The following CAMKMT variants were observed in gnomAD, a reference collection of about 807,000 sequenced individuals.
CAMKMT encodes CaM KMT.
CAMKMT carries 53 observed loss-of-function variants against 48.0 expected under a neutral mutation model. That is an observed-to-expected ratio of 1.10 (90% CI 0.89 to 1.39). CAMKMT has a LOEUF of 1.39. CAMKMT is among the 40% of genes most tolerant of loss of function. CAMKMT has a pLI of 0.00. For missense variants in CAMKMT, 428 were observed against 402.7 expected (o/e 1.06, Z -0.54); for synonymous variants, 165 against 152.3 (o/e 1.08, Z -0.61).
chr2:44,754,035 T>C lies in CAMKMT; in HGVS notation c.699-20T>C. The C allele has an allele frequency of 1.2e-6, 2 of 1,607,558 alleles. No homozygotes were observed. The highest frequency in any genetic ancestry group is 1.7e-6 in the Non-Finnish European group (2 of 1,174,466). On this transcript the variant is annotated intron_variant, in intron 8 of 10. Transcript: ENST00000378494. ...TGAAAACCCAGTTTAATCTGGATTC[T>C]GCTCTCTTCTCAATGTCAGCCTGTT...
intron 3 of CAMKMT, among the ~76,000 whole-genome samples, chr2:44,584,874 GA>G (rs1051925742): frequency 4.1e-4 from 62 of 152,168 alleles, no homozygotes; most frequent in African/African-American, 1.5e-3. Flanking sequence ...CTAACGTGGT[GA>G]AACCCTGTCT....
intron 3 of CAMKMT, among the ~76,000 whole-genome samples, chr2:44,484,739 A>G (rs1412776619): frequency 6.6e-6 from 1 of 151,784 alleles, no homozygotes; most frequent in Non-Finnish European, 1.5e-5. Context: ...GGTCTATGTT[A>G]TAATTAGGAA....
intron 3 of CAMKMT, among the ~76,000 whole-genome samples, chr2:44,579,984 T>A (rs1411399433): frequency 6.6e-6 from 1 of 152,208 alleles, no homozygotes; most frequent in Non-Finnish European, 1.5e-5. Flanking sequence ...TGTCCTAGTT[T>A]TTTTTAGACC....
At chr2:44,415,647 A>G (rs1458484178) in intron 3 of CAMKMT, among the ~76,000 whole-genome samples, 1 of 152,230 alleles carries the variant, frequency 6.6e-6, no homozygotes, top group Non-Finnish European at 1.5e-5. Flanking sequence ...AGTGAAATCT[A>G]TAATGAAATC....
At chr2:44,693,532 C>G (rs958869101) in intron 3 of CAMKMT, among the ~76,000 whole-genome samples, 1 of 152,184 alleles carries the variant, frequency 6.6e-6, no homozygotes, top group Non-Finnish European at 1.5e-5. Flanking sequence ...GTGTTCTTCC[C>G]CCTCTGGGTC....
intron 3 of CAMKMT, among the ~76,000 whole-genome samples, chr2:44,466,939 C>T (rs1315783832): frequency 6.6e-6 from 1 of 152,102 alleles, no homozygotes; most frequent in Non-Finnish European, 1.5e-5. Context: ...ATATAACCTA[C>T]CAAGACTGAA....
At chr2:44,564,727 A>G (rs1668517820) in intron 3 of CAMKMT, among the ~76,000 whole-genome samples, 1 of 152,068 alleles carries the variant, frequency 6.6e-6, no homozygotes, top group South Asian at 2.1e-4. Flanking sequence ...TTTAATAGAG[A>G]TGGGGTTTTA....
intron 1 of CAMKMT, chr2:44,369,869 T>C (rs575529576): frequency 6.6e-6 from 1 of 152,310 alleles, no homozygotes; most frequent in African/African-American, 2.4e-5. Flanking sequence ...TTGTGAATTA[T>C]AGTTAACACC....
intron 3 of CAMKMT, among the ~76,000 whole-genome samples, chr2:44,601,632 A>G: frequency 6.6e-6 from 1 of 152,034 alleles, no homozygotes; most frequent in East Asian, 1.9e-4. Context: ...TTGTTATCAA[A>G]TAATTCCATA....
At chr2:44,715,491 G>T in intron 7 of CAMKMT, 138 bp downstream of exon 7, 1 of 632,662 alleles carries the variant, frequency 1.6e-6, no homozygotes, top group Non-Finnish European at 2.8e-6. Context: ...CACTTTACAA[G>T]TATTATCTCA....
chr2:44,634,491 A>C (rs1673010624), intron 3 of CAMKMT, among the ~76,000 whole-genome samples: 1 of 152,114 alleles, frequency 6.6e-6, no homozygotes, highest in Non-Finnish European at 1.5e-5. Flanking sequence ...TAGAAGCAGA[A>C]GCATTTTAAT....
intron 3 of CAMKMT, among the ~76,000 whole-genome samples, chr2:44,505,036 A>G (rs768226043): frequency 7.9e-5 from 12 of 152,036 alleles, no homozygotes; most frequent in Non-Finnish European, 1.8e-4. Flanking sequence ...CTTTTTCACA[A>G]CTAGCTCTCA....
At chr2:44,535,218 A>G (rs112710654) in intron 3 of CAMKMT, among the ~76,000 whole-genome samples, 11,889 of 152,246 alleles carry the variant, frequency 0.078, 541 homozygotes, top group Admixed American at 0.16. Flanking sequence ...ACCTGAATAG[A>G]CCAATAACAA....
At chr2:44,705,933 TGTTA>T (rs1433210264) in intron 4 of CAMKMT, among the ~76,000 whole-genome samples, 5 of 152,202 alleles carry the variant, frequency 3.3e-5, no homozygotes, top group African/African-American at 1.2e-4. Context: ...GGATTAACAG[TGTTA>T]TCCTTTCCTA....
chr2:44,606,099 A>T (rs1054629427), intron 3 of CAMKMT, among the ~76,000 whole-genome samples: 2 of 152,060 alleles, frequency 1.3e-5, no homozygotes, highest in African/African-American at 4.8e-5. Flanking sequence ...GTGTTTTGTG[A>T]GTGTTTGTGG....
At chr2:44,406,265 A>G (rs1448998663) in intron 3 of CAMKMT, among the ~76,000 whole-genome samples, 1 of 150,904 alleles carries the variant, frequency 6.6e-6, no homozygotes, top group Non-Finnish European at 1.5e-5. Flanking sequence ...CGCCTTTGTC[A>G]TTTTGCCTTA....
chr2:44,534,454 G>A (rs2104835365), intron 3 of CAMKMT, among the ~76,000 whole-genome samples: 1 of 152,156 alleles, frequency 6.6e-6, no homozygotes, highest in South Asian at 2.1e-4. Flanking sequence ...TCATTATATT[G>A]AACATTCTGC....
At chr2:44,728,949 A>C (rs1227596316) in intron 7 of CAMKMT, among the ~76,000 whole-genome samples, 1 of 147,782 alleles carries the variant, frequency 6.8e-6, no homozygotes, top group Non-Finnish European at 1.5e-5. Context: ...TTGCCTGATA[A>C]TAGTTAAGGC....
chr2:44,701,396 T>G (rs1440023070), intron 3 of CAMKMT, among the ~76,000 whole-genome samples: 2 of 152,162 alleles, frequency 1.3e-5, no homozygotes, highest in Admixed American at 1.3e-4. Flanking sequence ...AAACTTAGAT[T>G]AGCAAAAATT....
Sources: allele counts gnomAD v4.1 joint callset (sites outside exome capture counted in the v4.1 genomes callset), GRCh38; gene constraint gnomAD v4.1.1; transcripts MANE v1.5; gene names NCBI Gene and HGNC (gene_info 2026-07-23, HGNC 2026-07-21).